Variants in PXDNL observed in about 807,000 individuals in gnomAD.
The protein encoded by PXDNL is probable oxidoreductase PXDNL.
A neutral mutation model predicts 150.8 loss-of-function variants in PXDNL; 145 were observed. The ratio of observed to expected loss-of-function variants is 0.96; its 90% CI spans 0.84 to 1.10. The LOEUF is 1.10. Ranked by LOEUF, PXDNL falls within the 50% of genes least tolerant of loss-of-function variation. The probability of loss-of-function intolerance (pLI) is 0.00; values close to 1 mark genes in which losing one functional copy is unlikely to be tolerated. For synonymous variants in PXDNL, 757 were observed against 725.7 expected (o/e 1.04, Z -0.69); for missense variants, 2,087 against 1,873.9 (o/e 1.11, Z -2.10).
rs931832215 is a variant in PXDNL, at chr8:51,406,991, T to C, written c.3557+1076A>G. ...GGAATGGGGCCAAGTATCTGATGCA[T>C]TTTATGTAATTTAATCTTTAAACAA... is the stretch of plus-strand genomic sequence containing the variant. On this transcript the variant is annotated intron_variant, in intron 17 of 22. Coordinates refer to ENST00000356297, the MANE Select transcript of PXDNL (RefSeq NM_144651.5). Among the ~76,000 whole-genome samples the C allele has an allele frequency of 6.6e-4, 101 of 152,236 alleles. 1 individual carries two copies. The highest frequency in any genetic ancestry group is 2.4e-3 in the African/African-American group (99 of 41,456).
chr8:51,807,591 T>C (rs1411512665), intron 1 of PXDNL, among the ~76,000 whole-genome samples: 1 of 152,158 alleles, frequency 6.6e-6, no homozygotes, highest in Non-Finnish European at 1.5e-5. Context: ...GCAACACATT[T>C]TGTAAGTGGT....
At chr8:51,481,824 G>A (rs1810610789) in intron 6 of PXDNL, among the ~76,000 whole-genome samples, 1 of 152,230 alleles carries the variant, frequency 6.6e-6, no homozygotes. Flanking sequence ...AAGAATTGAG[G>A]TTTGGGAACC....
intron 2 of PXDNL, among the ~76,000 whole-genome samples, chr8:51,624,880 T>C (rs1332828534): frequency 6.6e-6 from 1 of 151,870 alleles, no homozygotes; most frequent in Non-Finnish European, 1.5e-5. Flanking sequence ...TCATTACCCA[T>C]CTATTATTGT....
intron 19 of PXDNL, among the ~76,000 whole-genome samples, chr8:51,364,752 C>T (rs905422540): frequency 3.9e-5 from 6 of 152,122 alleles, no homozygotes; most frequent in Non-Finnish European, 5.9e-5. Context: ...TTAAAGAGAA[C>T]ATTGCTGCCA....
chr8:51,501,745 C>T (rs1585530754), intron 4 of PXDNL, among the ~76,000 whole-genome samples: 6 of 152,188 alleles, frequency 3.9e-5, no homozygotes, highest in Admixed American at 2.6e-4. Flanking sequence ...CACACTGTCC[C>T]CCACAAAATC....
chr8:51,608,846 A>AAAG (rs1344799973), intron 2 of PXDNL, among the ~76,000 whole-genome samples: 1 of 151,048 alleles, frequency 6.6e-6, no homozygotes, highest in Non-Finnish European at 1.5e-5. Context: ...CAAAAAAAAA[A>AAAG]AAAAAAAAAA....
chr8:51,719,639 TAAA>T (rs1192424526), intron 1 of PXDNL, among the ~76,000 whole-genome samples: 2 of 134,410 alleles, frequency 1.5e-5, no homozygotes, highest in African/African-American at 5.4e-5. Flanking sequence ...ATGATCAATT[TAAA>T]AAAAAAAAAA....
intron 1 of PXDNL, among the ~76,000 whole-genome samples, chr8:51,660,549 T>C (rs1179127286): frequency 6.6e-6 from 1 of 152,200 alleles, no homozygotes; most frequent in African/African-American, 2.4e-5. Context: ...GTGTGGTACT[T>C]GTTTGTCTCA....
At chr8:51,466,385 A>G (rs995648981) in intron 8 of PXDNL, among the ~76,000 whole-genome samples, 1 of 152,198 alleles carries the variant, frequency 6.6e-6, no homozygotes, top group African/African-American at 2.4e-5. Context: ...ATCACCATAT[A>G]CAAAAATCAA....
At chr8:51,354,538 G>A (rs1335746422) in intron 19 of PXDNL, among the ~76,000 whole-genome samples, 1 of 152,040 alleles carries the variant, frequency 6.6e-6, no homozygotes, top group Non-Finnish European at 1.5e-5. Context: ...GATTCTAAAA[G>A]GGAAGGTCAT....
At chr8:51,386,844 G>T (rs538263713) in intron 17 of PXDNL, among the ~76,000 whole-genome samples, 3 of 151,154 alleles carry the variant, frequency 2.0e-5, no homozygotes, top group Non-Finnish European at 2.9e-5. Context: ...AAAAGAAAGA[G>T]TCTTTTCTAC....
chr8:51,557,795 G>A (rs755773325), intron 3 of PXDNL, among the ~76,000 whole-genome samples: 6 of 152,030 alleles, frequency 3.9e-5, no homozygotes, highest in Non-Finnish European at 7.4e-5. Flanking sequence ...TGCCTTAAAG[G>A]CCATCAAAAT....
chr8:51,584,713 G>A (rs1353218188), intron 3 of PXDNL, among the ~76,000 whole-genome samples: 1 of 152,134 alleles, frequency 6.6e-6, no homozygotes, highest in East Asian at 1.9e-4. Context: ...AGTTTGAGGA[G>A]GTGATTGTCA....
At chr8:51,338,655 C>G (rs1050003538) in intron 21 of PXDNL, among the ~76,000 whole-genome samples, 3 of 152,230 alleles carry the variant, frequency 2.0e-5, no homozygotes, top group Non-Finnish European at 4.4e-5. Flanking sequence ...AAGAAGCAGA[C>G]AGCTTGGCAC....
At chr8:51,658,308 C>T (rs1236342052) in intron 1 of PXDNL, among the ~76,000 whole-genome samples, 1 of 139,294 alleles carries the variant, frequency 7.2e-6, no homozygotes. Flanking sequence ...CACCACTGCA[C>T]TCCAACCTGG....
At chr8:51,616,987 G>C (rs1471941177) in intron 2 of PXDNL, among the ~76,000 whole-genome samples, 1 of 151,654 alleles carries the variant, frequency 6.6e-6, no homozygotes, top group Non-Finnish European at 1.5e-5. Flanking sequence ...TTCTATCTGT[G>C]GTTGGTTGAA....
intron 1 of PXDNL, among the ~76,000 whole-genome samples, chr8:51,714,973 C>A (rs1244378079): frequency 6.6e-6 from 1 of 152,148 alleles, no homozygotes. Flanking sequence ...CAAATGAAAA[C>A]CCTTCATGAG....
chr8:51,383,725 T>C (rs185501101), intron 17 of PXDNL, among the ~76,000 whole-genome samples: 5 of 152,306 alleles, frequency 3.3e-5, no homozygotes, highest in Admixed American at 3.3e-4. Flanking sequence ...CTTTTGTCGG[T>C]ATTTTGATAT....
At chr8:51,786,859 A>G (rs1399808712) in intron 1 of PXDNL, among the ~76,000 whole-genome samples, 1 of 152,220 alleles carries the variant, frequency 6.6e-6, no homozygotes, top group African/African-American at 2.4e-5. Flanking sequence ...GAAGTCAATG[A>G]CTGGCTTCAA....
Sources: gnomAD v4.1 joint callset for allele counts (sites outside exome capture counted in the v4.1 genomes callset) on GRCh38, gnomAD v4.1.1 for gene constraint, MANE v1.5 for transcripts, NCBI Gene and HGNC (gene_info 2026-07-23, HGNC 2026-07-21) for gene names.